The following ARHGAP20 variants were observed in gnomAD, a reference collection of about 807,000 sequenced individuals.
ARHGAP20 encodes the protein Rho GTPase activating protein 20, also known as rho GTPase-activating protein 20.
In ARHGAP20, 34 loss-of-function variants were observed where a neutral mutation model predicts 73.7. The ratio of observed to expected loss-of-function variants is 0.46; its 90% CI spans 0.35 to 0.61. The LOEUF is 0.61. ARHGAP20 is among the 20% of genes least tolerant of loss of function. The pLI is 0.00. For synonymous variants in ARHGAP20, 523 were observed against 518.2 expected, an observed-to-expected ratio of 1.01 and a Z score of -0.13; for missense variants, 1,314 against 1,420.9, an observed-to-expected ratio of 0.92 and a Z score of 1.21.
chr11:110,648,583 C>G (rs1484143778), intron 2 of ARHGAP20, among the ~76,000 whole-genome samples: 46 of 150,374 alleles, frequency 3.1e-4, no homozygotes, highest in Admixed American at 3.0e-3. Flanking sequence ...CTCCTGAGTT[C>G]AAGTGATTCT....
intron 1 of ARHGAP20, among the ~76,000 whole-genome samples, chr11:110,693,004 A>G (rs919970674): frequency 3.3e-5 from 5 of 152,010 alleles, no homozygotes; most frequent in African/African-American, 1.2e-4. Context: ...ATGTAAGAAA[A>G]TCCTCCCAAG....
chr11:110,682,961 T>C (rs1190286152), intron 2 of ARHGAP20, among the ~76,000 whole-genome samples: 1 of 151,646 alleles, frequency 6.6e-6, no homozygotes, highest in East Asian at 1.9e-4. Flanking sequence ...ACCACAATTC[T>C]TCCCTGGTGT....
At chr11:110,637,203 G>C (rs1948986259) in intron 2 of ARHGAP20, among the ~76,000 whole-genome samples, 1 of 152,020 alleles carries the variant, frequency 6.6e-6, no homozygotes, top group Admixed American at 6.6e-5. Flanking sequence ...CAGTTTTAGA[G>C]ACAGTGTTGC....
In ARHGAP20 at chr11:110,577,071, A is replaced by G. The variant is rs1471825615; in HGVS notation, c.*2299T>C. 20 of 1,491,424 alleles carry G rather than the reference A, an allele frequency of 1.3e-5. No individual in the cohort carries two copies. The highest frequency in any genetic ancestry group is 1.6e-5 in the Non-Finnish European group (18 of 1,113,742). The allele number at this position is 1,491,424 out of a possible 1,614,324, so 92.4% of individuals were successfully genotyped here. On this transcript the variant is annotated 3_prime_UTR_variant, in exon 15 of 15. Coordinates refer to ENST00000683387, the MANE Select transcript of ARHGAP20 (RefSeq NM_001384657.1). ...GGTTAATTCTGCAGAATGGCATTTT[A>G]TTTAACAGACAGCATGGACTTCATA... is the stretch of plus-strand genomic sequence containing the variant.
In ARHGAP20 at chr11:110,635,586, C is replaced by G. The variant is rs975105950; in HGVS notation, c.189-4794G>C. Among the ~76,000 whole-genome samples, 11 of 152,108 alleles carry G rather than the reference C, an allele frequency of 7.2e-5. No individual in the cohort carries two copies. In the East Asian group the frequency reaches 1.9e-3, roughly 27 times the overall value. ...CCTGTGATTTCTCAGCTATAGCTACCCCTTTCAAGAAGCGAAGTCTATTAT... is the reference window on the plus strand; with the variant it reads ...CCTGTGATTTCTCAGCTATAGCTACGCCTTTCAAGAAGCGAAGTCTATTAT... On this transcript the variant is annotated intron_variant, in intron 2 of 14. Transcript: ENST00000683387.
At chr11:110,691,185 T>C (rs1345550957) in intron 1 of ARHGAP20, 2 of 493,278 alleles carry the variant, frequency 4.1e-6, no homozygotes, top group Non-Finnish European at 7.0e-6. Flanking sequence ...AATAAAAAAA[T>C]CTTTTTTTCT....
At chr11:110,701,148 C>T (rs905136758) in intron 1 of ARHGAP20, among the ~76,000 whole-genome samples, 1 of 151,722 alleles carries the variant, frequency 6.6e-6, no homozygotes, top group Non-Finnish European at 1.5e-5. Flanking sequence ...AGTTCTAGAT[C>T]CCTGAGGAAT....
intron 2 of ARHGAP20, among the ~76,000 whole-genome samples, chr11:110,679,541 A>G (rs939920221): frequency 2.0e-5 from 3 of 152,220 alleles, no homozygotes; most frequent in Non-Finnish European, 2.9e-5. Flanking sequence ...ATGAGTTGCA[A>G]TAAAAGGGTG....
chr11:110,694,467 A>G (rs1950299948), intron 1 of ARHGAP20, among the ~76,000 whole-genome samples: 1 of 151,820 alleles, frequency 6.6e-6, no homozygotes, highest in Non-Finnish European at 1.5e-5. Flanking sequence ...ATAAATGAAT[A>G]AAGGTCATAA....
At chr11:110,676,827 TAA>T (rs539963274) in intron 2 of ARHGAP20, among the ~76,000 whole-genome samples, 15 of 151,582 alleles carry the variant, frequency 9.9e-5, no homozygotes, top group African/African-American at 3.4e-4. Flanking sequence ...GTTTTTTTTT[TAA>T]AAAATTGACA....
In ARHGAP20 at chr11:110,580,382, CG is replaced by C; in HGVS notation, c.2563del (p.Arg855AlafsTer3). On this transcript the variant is annotated frameshift_variant, in exon 15 of 15. Coordinates refer to ENST00000683387, the MANE Select transcript of ARHGAP20 (RefSeq NM_001384657.1). LOFTEE classifies it low-confidence loss of function (END_TRUNC). ...CSEPNIEDQN[R>X]KLTYLRGIYS... ...AATTCCCCTGAGATAGGTCAGCTTG[CG>C]GTTCTGGTCTTCTATGTTGGGCTCT... The C allele has an allele frequency of 6.2e-7, 1 of 1,614,220 alleles. No homozygotes were observed. Among genetic ancestry groups the C allele is most frequent in the South Asian group, 1.1e-5 (1 of 91,082 alleles).
chr11:110,688,836 C>A (rs767370980), intron 2 of ARHGAP20, among the ~76,000 whole-genome samples: 6 of 152,254 alleles, frequency 3.9e-5, no homozygotes, highest in Middle Eastern at 3.4e-3. Flanking sequence ...AACCCAATGA[C>A]TAAAGTGTAT....
chr11:110,598,663 T>C (rs576079793), intron 9 of ARHGAP20, among the ~76,000 whole-genome samples: 2 of 152,318 alleles, frequency 1.3e-5, no homozygotes, highest in East Asian at 1.9e-4. Context: ...GAAGTAGTGA[T>C]GGCAGCAGCA....
chr11:110,667,658 G>A (rs1591158636), intron 2 of ARHGAP20, among the ~76,000 whole-genome samples: 1 of 152,246 alleles, frequency 6.6e-6, no homozygotes, highest in South Asian at 2.1e-4. Flanking sequence ...ATGGATCTGG[G>A]CAAAGTAAAC....
At position 110,614,896 on chromosome 11, in the gene ARHGAP20, A is replaced by T. The variant is rs545371699; in HGVS notation, c.546-251T>A. On this transcript the variant is annotated intron_variant, in intron 5 of 14. Coordinates refer to ENST00000683387, the MANE Select transcript of ARHGAP20 (RefSeq NM_001384657.1). ...ATGTCAAGTGAGGTTTGAGAAGCAC[A>T]ATCAGGTTAGGGCACCTCTGGGTAA... Among the ~76,000 whole-genome samples the T allele has an allele frequency of 2.4e-4, 37 of 152,314 alleles. 1 individual carries two copies. In the South Asian group the frequency reaches 7.7e-3, roughly 32 times the overall value.
intron 2 of ARHGAP20, among the ~76,000 whole-genome samples, chr11:110,688,063 T>G (rs111330838): frequency 2.6e-5 from 4 of 152,160 alleles, no homozygotes; most frequent in African/African-American, 9.7e-5. Context: ...GTTACAGGCA[T>G]AGATAATTAT....
Position 110,676,202 on chromosome 11 carries a change from T to C in ARHGAP20, c.188+14345A>G, listed in dbSNP as rs184758421. On this transcript the variant is annotated intron_variant, in intron 2 of 14. Coordinates refer to ENST00000683387, the MANE Select transcript of ARHGAP20 (RefSeq NM_001384657.1). The stretch of plus-strand genomic sequence containing the variant: ...GCAAGTGGAGAATATTTCAACCATA[T>C]ACAGCATCACATTGATCATGTTTGT... Among the ~76,000 whole-genome samples, 523 of 152,342 alleles carry C rather than the reference T, an allele frequency of 3.4e-3. 2 individuals carry two copies. The highest frequency in any genetic ancestry group is 0.011 in the Admixed American group (175 of 15,298).
intron 4 of ARHGAP20, among the ~76,000 whole-genome samples, chr11:110,619,826 C>T (rs567032050): frequency 6.6e-5 from 10 of 151,830 alleles, no homozygotes; most frequent in South Asian, 2.1e-4. Flanking sequence ...AGAGTATATG[C>T]AGTGATAGAG....
intron 1 of ARHGAP20, among the ~76,000 whole-genome samples, chr11:110,711,005 C>CAAAAAAA (rs11461759): frequency 1.2e-5 from 1 of 82,548 alleles, no homozygotes; most frequent in Non-Finnish European, 2.6e-5. Flanking sequence ...TAAGACAAGG[C>CAAAAAAA]AAAAAAAAAA....
Sources: allele counts gnomAD v4.1 joint callset (sites outside exome capture counted in the v4.1 genomes callset), GRCh38; gene constraint gnomAD v4.1.1; transcripts MANE v1.5; gene names NCBI Gene and HGNC (gene_info 2026-07-23, HGNC 2026-07-21).